Variants in AP3B1 observed in about 807,000 individuals in gnomAD.
AP3B1 encodes the protein adaptor related protein complex 3 subunit beta 1.
In AP3B1, 61 loss-of-function variants were observed where a neutral mutation model predicts 132.5. The observed-to-expected ratio is 0.46, with a 90% confidence interval of 0.37 to 0.57. The LOEUF (loss-of-function observed/expected upper bound fraction) is 0.57, where lower values mean the gene tolerates loss of function less well. AP3B1 is among the 20% of genes least tolerant of loss of function. AP3B1 has a pLI of 0.00. For synonymous variants in AP3B1, 388 were observed against 438.3 expected (o/e 0.89, Z 1.43); for missense variants, 1,120 against 1,289.4 (o/e 0.87, Z 2.01).
intron 24 of AP3B1, among the ~76,000 whole-genome samples, chr5:78,033,671 T>C (rs1446816057): frequency 6.6e-6 from 1 of 151,960 alleles, no homozygotes; most frequent in African/African-American, 2.4e-5. Flanking sequence ...AGTTCAAAGA[T>C]AATTCTCAAT....
intron 19 of AP3B1, among the ~76,000 whole-genome samples, chr5:78,111,178 T>C (rs1421512698): frequency 6.6e-6 from 1 of 152,204 alleles, no homozygotes. Context: ...ACACATTCTA[T>C]GAGAAAATGT....
At chr5:78,281,116 T>G (rs1692192087) in intron 1 of AP3B1, among the ~76,000 whole-genome samples, 2 of 152,216 alleles carry the variant, frequency 1.3e-5, no homozygotes, top group African/African-American at 4.8e-5. Flanking sequence ...TTTTATGTGA[T>G]TATTTTAAAG....
At chr5:78,189,747 A>G (rs1482889618) in intron 7 of AP3B1, among the ~76,000 whole-genome samples, 1 of 151,806 alleles carries the variant, frequency 6.6e-6, no homozygotes, top group African/African-American at 2.4e-5. Flanking sequence ...GCACATGCCT[A>G]TAGTCCAAGC....
intron 6 of AP3B1, among the ~76,000 whole-genome samples, chr5:78,218,813 G>T (rs1746063991): frequency 6.6e-6 from 1 of 152,078 alleles, no homozygotes. Context: ...GGCCAATGCT[G>T]CCAAGATTTT....
chr5:78,096,825 G>A (rs1227803814), intron 21 of AP3B1, among the ~76,000 whole-genome samples: 21 of 150,988 alleles, frequency 1.4e-4, no homozygotes, highest in African/African-American at 4.2e-4. Flanking sequence ...CAGCCGCCCC[G>A]TCCGGGAGGG....
intron 3 of AP3B1, among the ~76,000 whole-genome samples, chr5:78,233,703 T>C (rs1033576400): frequency 1.3e-5 from 2 of 152,222 alleles, no homozygotes; most frequent in Admixed American, 6.5e-5. Context: ...ATCTACATTA[T>C]ATTACTCGTT....
Position 78,251,707 on chromosome 5 carries a change from C to A in AP3B1, c.205-10771G>T, listed in dbSNP as rs115985264. On this transcript the variant is annotated intron_variant, in intron 2 of 26. Transcript: ENST00000255194. ...TTGAGTCCCTGGAAAACCTCGCCAC[C>A]GAGGGCTACAGCACTGTGTGTCTCC... is the stretch of plus-strand genomic sequence containing the variant. 2.2e-3 allele frequency among the ~76,000 whole-genome samples: 341 copies of A among 152,316 alleles called. 1 individual carries two copies. The highest frequency in any genetic ancestry group is 8.1e-3 in the African/African-American group (335 of 41,580).
At chr5:78,153,934 A>C (rs1743011018) in intron 14 of AP3B1, among the ~76,000 whole-genome samples, 1 of 152,108 alleles carries the variant, frequency 6.6e-6, no homozygotes, top group East Asian at 1.9e-4. Context: ...AGTTATGTTT[A>C]ATCAGTTCAC....
intron 7 of AP3B1, among the ~76,000 whole-genome samples, chr5:78,193,740 T>TTATA (rs1161861949): frequency 2.4e-5 from 1 of 41,732 alleles, no homozygotes; most frequent in Non-Finnish European, 5.8e-5. Context: ...TTGTATATAT[T>TTATA]TTTTTATATA....
At chr5:78,281,155 C>G (rs1402707231) in intron 1 of AP3B1, among the ~76,000 whole-genome samples, 2 of 152,136 alleles carry the variant, frequency 1.3e-5, no homozygotes, top group African/African-American at 4.8e-5. Flanking sequence ...CAATTCTCGG[C>G]CGGGCGCAGT....
At position 78,259,732 on chromosome 5, in the gene AP3B1, C is replaced by T. The variant is rs148669532; in HGVS notation, c.204+7788G>A. Among the ~76,000 whole-genome samples, 1,212 of 152,214 alleles carry T rather than the reference C, an allele frequency of 8.0e-3. 21 individuals carry two copies. Among genetic ancestry groups the T allele is most frequent in the African/African-American group, 0.027 (1,132 of 41,534 alleles). On this transcript the variant is annotated intron_variant, in intron 2 of 26. Coordinates refer to ENST00000255194, the MANE Select transcript of AP3B1 (RefSeq NM_003664.5). ...CCTGTAATCCCAGCACTTTGGGAGG[C>T]CAAGGTGGGCGGATTACTTGACGGT...
intron 16 of AP3B1, among the ~76,000 whole-genome samples, chr5:78,128,899 C>T (rs904491451): frequency 6.6e-6 from 1 of 151,860 alleles, no homozygotes; most frequent in Non-Finnish European, 1.5e-5. Context: ...AGTCAGAACG[C>T]TTAAAATTAT....
At chr5:78,157,664 A>C (rs1317756697) in intron 13 of AP3B1, among the ~76,000 whole-genome samples, 1 of 152,236 alleles carries the variant, frequency 6.6e-6, no homozygotes, top group Non-Finnish European at 1.5e-5. Context: ...TTTTATTAAT[A>C]GGGCTTCATG....
At chr5:78,288,331 T>C (rs1749368037) in intron 1 of AP3B1, among the ~76,000 whole-genome samples, 1 of 152,234 alleles carries the variant, frequency 6.6e-6, no homozygotes, top group African/African-American at 2.4e-5. Context: ...AAAGACACTA[T>C]AATTGTTATG....
chr5:78,077,214 G>A (rs1003011993), intron 22 of AP3B1, among the ~76,000 whole-genome samples: 38 of 152,012 alleles, frequency 2.5e-4, no homozygotes, highest in Admixed American at 2.2e-3. Context: ...TTTTCTTAAT[G>A]AGCCTTCCTG....
chr5:78,245,226 A>G (rs1335824236), intron 2 of AP3B1, among the ~76,000 whole-genome samples: 1 of 152,214 alleles, frequency 6.6e-6, no homozygotes, highest in African/African-American at 2.4e-5. Context: ...GTTCAGGGCG[A>G]AACAGTGAAA....
chr5:78,005,941 T>C (rs990191872), intron 26 of AP3B1, among the ~76,000 whole-genome samples: 1 of 152,170 alleles, frequency 6.6e-6, no homozygotes, highest in African/African-American at 2.4e-5. Flanking sequence ...GATTATAAAG[T>C]CAGCGTGGGT....
At chr5:78,278,020 G>GA (rs2112577928) in intron 1 of AP3B1, among the ~76,000 whole-genome samples, 1 of 152,246 alleles carries the variant, frequency 6.6e-6, no homozygotes, top group East Asian at 1.9e-4. Flanking sequence ...AGGAGATTAG[G>GA]AATGTCTTCT....
chr5:78,049,172 G>T (rs1029725288), intron 22 of AP3B1, among the ~76,000 whole-genome samples: 7 of 152,180 alleles, frequency 4.6e-5, no homozygotes, highest in African/African-American at 1.7e-4. Context: ...ATTGCGGTTA[G>T]AGAGCAAGGC....
Sources: gnomAD v4.1 joint callset for allele counts (sites outside exome capture counted in the v4.1 genomes callset) on GRCh38, gnomAD v4.1.1 for gene constraint, MANE v1.5 for transcripts, NCBI Gene and HGNC (gene_info 2026-07-23, HGNC 2026-07-21) for gene names.